Variants in NUGGC observed in about 807,000 individuals in gnomAD.
NUGGC encodes the protein nuclear GTPase SLIP-GC.
NUGGC carries 58 observed loss-of-function variants against 92.6 expected under a neutral mutation model. The ratio of observed to expected loss-of-function variants is 0.63; its 90% CI spans 0.51 to 0.78. The LOEUF (loss-of-function observed/expected upper bound fraction) is 0.78, where lower values mean the gene tolerates loss of function less well. NUGGC is among the 30% of genes least tolerant of loss of function. The probability of loss-of-function intolerance (pLI) is 0.00; values close to 1 mark genes in which losing one functional copy is unlikely to be tolerated. For synonymous variants in NUGGC, 376 were observed against 366.4 expected, an observed-to-expected ratio of 1.03 and a Z score of -0.30; for missense variants, 925 against 964.6, an observed-to-expected ratio of 0.96 and a Z score of 0.54.
At chr8:28,049,987 T>G (rs1467931642) in intron 10 of NUGGC, among the ~76,000 whole-genome samples, 1 of 152,032 alleles carries the variant, frequency 6.6e-6, no homozygotes, top group African/African-American at 2.4e-5. Context: ...CTCGGGAGGC[T>G]GAAGCAGGAG....
intron 1 of NUGGC, among the ~76,000 whole-genome samples, chr8:28,080,649 T>G (rs969772957): frequency 1.3e-5 from 2 of 152,210 alleles, no homozygotes; most frequent in Non-Finnish European, 2.9e-5. Context: ...TATATCTAGA[T>G]AGATCTATCT....
chr8:28,031,219 C>G, intron 15 of NUGGC, 24 bp downstream of exon 15: 1 of 1,613,748 alleles, frequency 6.2e-7, no homozygotes, highest in South Asian at 1.1e-5. Flanking sequence ...CCTCACTGCT[C>G]TCCTCACTTT....
At chr8:28,046,155 C>G (rs1270720366) in intron 11 of NUGGC, among the ~76,000 whole-genome samples, 2 of 152,158 alleles carry the variant, frequency 1.3e-5, no homozygotes, top group African/African-American at 4.8e-5. Context: ...CATTGTCTGT[C>G]AGAAGATAAT....
In NUGGC at chr8:28,027,048, C is replaced by A; in HGVS notation, c.2159G>T (p.Gly720Val). ...MQHQFQQLKTGIVEKVKGSIT... is the reference protein window; with the variant it reads ...MQHQFQQLKTVIVEKVKGSIT... ...GCTGCCCTTCACCTTCTCCACGATT[C>A]CAGTCTATGCAACAAGGACATTCAG... Residue 720 changes from glycine (G) to valine (V), a missense_variant, in exon 18 of 19, where the codon GGA (glycine) becomes GTA (valine). Coordinates refer to ENST00000413272, the MANE Select transcript of NUGGC (RefSeq NM_001010906.2). The A allele has an allele frequency of 6.2e-7, 1 of 1,611,744 alleles. No homozygotes were observed. Among genetic ancestry groups the A allele is most frequent in the Non-Finnish European group, 8.5e-7 (1 of 1,177,940 alleles).
chr8:28,061,254 G>A (rs773103153), intron 7 of NUGGC, among the ~76,000 whole-genome samples: 5 of 152,206 alleles, frequency 3.3e-5, no homozygotes, highest in Admixed American at 6.5e-5. Context: ...ATGGCAGCAT[G>A]GAGCCAGAAA....
At chr8:28,030,788 AAG>A (rs1430899614) in intron 15 of NUGGC, among the ~76,000 whole-genome samples, 8 of 152,202 alleles carry the variant, frequency 5.3e-5, no homozygotes, top group Non-Finnish European at 1.5e-5. Context: ...GGTCACAGAC[AAG>A]AGTCTTGAGG....
chr8:28,073,275 A>C (rs1810636526), intron 2 of NUGGC, among the ~76,000 whole-genome samples: 1 of 151,568 alleles, frequency 6.6e-6, no homozygotes, highest in African/African-American at 2.4e-5. Flanking sequence ...GGCCTCCCAA[A>C]GTCCTGGGAT....
intron 8 of NUGGC, among the ~76,000 whole-genome samples, chr8:28,058,598 C>T (rs924868915): frequency 6.6e-6 from 1 of 152,218 alleles, no homozygotes; most frequent in Non-Finnish European, 1.5e-5. Flanking sequence ...ACTTTTAACC[C>T]TCTTTTAGAT....
At position 28,060,687 on chromosome 8, in the gene NUGGC, T is replaced by A. The variant is rs558128198; in HGVS notation, c.922-86A>T. On this transcript the variant is annotated intron_variant, in intron 7 of 18. Transcript: ENST00000413272. ...GGTTCCCTAATGTATCCCTTAAGCCTCTCCCTCCAGTCCCACCCCTCACCG... is the reference window on the plus strand; with the variant it reads ...GGTTCCCTAATGTATCCCTTAAGCCACTCCCTCCAGTCCCACCCCTCACCG... 1.7e-4 allele frequency: 218 copies of A among 1,251,412 alleles called. 1 individual carries two copies. The African/African-American group carries it at 3.1e-3, about 18-fold the overall frequency. The allele number at this position is 1,251,412 out of a possible 1,614,324, so 77.5% of individuals were successfully genotyped here. A position where few individuals can be genotyped will look rare whatever the true frequency, so the allele number is the denominator to read the frequency against.
intron 1 of NUGGC, among the ~76,000 whole-genome samples, chr8:28,079,474 A>G (rs1220313223): frequency 6.6e-6 from 1 of 152,102 alleles, no homozygotes; most frequent in Non-Finnish European, 1.5e-5. Flanking sequence ...CAGGAAGTGG[A>G]GGTTGCAGTG....
At chr8:28,027,159 G>T in intron 17 of NUGGC, 107 bp from the exon 18 acceptor site, 1 of 902,048 alleles carries the variant, frequency 1.1e-6, no homozygotes, top group South Asian at 1.4e-5. Context: ...GTACAGACTG[G>T]GGTTGCCAAA....
chr8:28,042,087 A>G lies in NUGGC; in HGVS notation c.1447-872T>C, dbSNP rs528442549. Among the ~76,000 whole-genome samples, 254 of 152,240 alleles carry G rather than the reference A, an allele frequency of 1.7e-3. 1 individual carries two copies. Among genetic ancestry groups the G allele is most frequent in the African/African-American group, 6.0e-3 (248 of 41,542 alleles). ...GAGAAACCTTATAAAACCTTATAAA[A>G]CATGCCACCATGTAAGACATGCCTT... On this transcript the variant is annotated intron_variant, in intron 12 of 18. Transcript: ENST00000413272.
chr8:28,051,928 A>C (rs1264161881), intron 10 of NUGGC, among the ~76,000 whole-genome samples: 5 of 151,852 alleles, frequency 3.3e-5, no homozygotes, highest in Admixed American at 1.3e-4. Context: ...ACAAAACAAA[A>C]CAAAACAAAA....
At chr8:28,062,160 G>C (rs1297371010) in intron 7 of NUGGC, among the ~76,000 whole-genome samples, 2 of 152,024 alleles carry the variant, frequency 1.3e-5, no homozygotes, top group African/African-American at 2.4e-5. Context: ...GAAACCCCTT[G>C]GATTATAGGG....
Position 28,029,319 on chromosome 8 carries a change from C to T in NUGGC, c.2101G>A (p.Gly701Ser). The change falls in exon 17 of 19, where the codon GGC (glycine) becomes AGC (serine). Residue 701 changes from glycine to serine, a missense_variant. Gly to Ser is a moderately conservative substitution (Grantham distance 56). Coordinates refer to ENST00000413272, the MANE Select transcript of NUGGC (RefSeq NM_001010906.2). ...CTTTCCTGGGCCCTTTCAAACATGC[C>T]CTCAGCCACCTGCCGGTCCACTCCT... ...RRGVDRQVAE[G>S]MFERAQERMQ... The T allele has an allele frequency of 2.5e-6, 4 of 1,609,198 alleles. No homozygotes were observed. The highest frequency in any genetic ancestry group is 3.4e-6 in the Non-Finnish European group (4 of 1,177,850).
At chr8:28,037,880 T>A (rs1809596355) in intron 13 of NUGGC, among the ~76,000 whole-genome samples, 1 of 152,124 alleles carries the variant, frequency 6.6e-6, no homozygotes, top group South Asian at 2.1e-4. Flanking sequence ...AGTCTAGGGA[T>A]GAAACAACCT....
chr8:28,025,637 C>T (rs1489206930), intron 18 of NUGGC, among the ~76,000 whole-genome samples: 1 of 47,248 alleles, frequency 2.1e-5, no homozygotes, highest in East Asian at 3.1e-4. Flanking sequence ...TCCCTGGAGT[C>T]CGTTAGATCA....
intron 1 of NUGGC, among the ~76,000 whole-genome samples, chr8:28,077,394 CAAA>C (rs11291704): frequency 9.0e-5 from 12 of 133,442 alleles, no homozygotes; most frequent in Non-Finnish European, 1.1e-4. Context: ...TTGACACTAC[CAAA>C]AAAAAAAAAA....
intron 17 of NUGGC, among the ~76,000 whole-genome samples, chr8:28,028,898 C>T (rs1166109984): frequency 6.6e-6 from 1 of 152,102 alleles, no homozygotes; most frequent in Non-Finnish European, 1.5e-5. Flanking sequence ...CTTCCCAATC[C>T]CAAATCCCAG....
Sources: gnomAD v4.1 joint callset for allele counts (sites outside exome capture counted in the v4.1 genomes callset) on GRCh38, gnomAD v4.1.1 for gene constraint, MANE v1.5 for transcripts, NCBI Gene and HGNC (gene_info 2026-07-23, HGNC 2026-07-21) for gene names.